Variants in CSMD1 observed in about 807,000 individuals in gnomAD.
The protein encoded by CSMD1 is CUB and sushi domain-containing protein 1.
In CSMD1, 213 loss-of-function variants were observed where a neutral mutation model predicts 417.5. The ratio of observed to expected loss-of-function variants is 0.51; its 90% CI spans 0.46 to 0.57. The LOEUF (loss-of-function observed/expected upper bound fraction) is 0.57. Among genes scored for constraint, CSMD1 ranks in the 20% least tolerant of loss-of-function variants. The pLI, the probability that CSMD1 is intolerant of heterozygous loss-of-function variation, is 0.00. For synonymous variants in CSMD1, 2,862 were observed against 1,736.8 expected (o/e 1.65, Z -16.11); for missense variants, 6,923 against 4,529.7 (o/e 1.53, Z -15.17).
At chr8:3,280,554 A>G (rs1351158829) in intron 26 of CSMD1, among the ~76,000 whole-genome samples, 2 of 152,184 alleles carry the variant, frequency 1.3e-5, no homozygotes, top group Non-Finnish European at 1.5e-5. Context: ...ATTTCTGAAA[A>G]TTTATACCAG....
intron 50 of CSMD1, among the ~76,000 whole-genome samples, chr8:3,041,021 T>TTTGCAATCGGTAAATAAATTA (rs1275049710): frequency 1.1e-4 from 16 of 152,186 alleles, no homozygotes; most frequent in Non-Finnish European, 2.1e-4. Context: ...AGCATTTTTC[T>TTTGCAATCGGTAAATAAATTA]TCATATCGGT....
chr8:4,012,570 C>G (rs2130444615), intron 4 of CSMD1, among the ~76,000 whole-genome samples: 1 of 152,220 alleles, frequency 6.6e-6, no homozygotes, highest in East Asian at 1.9e-4. Context: ...TCAACCGTCA[C>G]CACCTCCTTC....
In CSMD1 at chr8:4,451,937, ATAT is replaced by A. The variant is rs577742829; in HGVS notation, c.303-31875_303-31873del. Among the ~76,000 whole-genome samples the A allele has an allele frequency of 1.6e-3, 237 of 148,748 alleles. 1 individual carries two copies. Among genetic ancestry groups the A allele is most frequent in the African/African-American group, 5.6e-3 (229 of 40,942 alleles). ...TGCCCAGAGATGTAAAATTTAATGT[ATAT>A]TATTATATATAATATATAAATATAT... is the stretch of plus-strand genomic sequence containing the variant. On this transcript the variant is annotated intron_variant, in intron 2 of 69. Transcript: ENST00000635120.
intron 2 of CSMD1, among the ~76,000 whole-genome samples, chr8:4,543,283 A>G (rs1797481585): frequency 6.6e-6 from 1 of 152,014 alleles, no homozygotes; most frequent in African/African-American, 2.4e-5. Context: ...AAGATCCCCA[A>G]AGCTTCACCT....
At chr8:3,771,881 G>A (rs562994512) in intron 5 of CSMD1, among the ~76,000 whole-genome samples, 10 of 152,072 alleles carry the variant, frequency 6.6e-5, no homozygotes, top group African/African-American at 2.4e-4. Flanking sequence ...ATCTGCCACA[G>A]TCCTGATCTG....
At chr8:4,948,352 A>AT (rs1429364281) in intron 1 of CSMD1, among the ~76,000 whole-genome samples, 5 of 151,824 alleles carry the variant, frequency 3.3e-5, no homozygotes, top group Non-Finnish European at 5.9e-5. Context: ...ATATTTGCAC[A>AT]TTTTTTTCTT....
chr8:4,264,752 T>C (rs1208424958), intron 3 of CSMD1, among the ~76,000 whole-genome samples: 2 of 152,104 alleles, frequency 1.3e-5, no homozygotes, highest in Non-Finnish European at 2.9e-5. Context: ...CTCAGTAACA[T>C]CTAGAACGTT....
chr8:4,796,417 T>C (rs1349269743), intron 1 of CSMD1, among the ~76,000 whole-genome samples: 1 of 152,072 alleles, frequency 6.6e-6, no homozygotes, highest in Non-Finnish European at 1.5e-5. Flanking sequence ...TTAGGAAACT[T>C]GCATTTGCAA....
At chr8:4,616,940 T>C (rs1276445673) in intron 2 of CSMD1, among the ~76,000 whole-genome samples, 2 of 144,798 alleles carry the variant, frequency 1.4e-5, no homozygotes, top group East Asian at 2.0e-4. Context: ...CTGATTGTAT[T>C]GTCTTTTATT....
chr8:3,029,596 G>C (rs955886049), intron 50 of CSMD1, 83 bp from the exon 51 acceptor site: 3 of 1,238,932 alleles, frequency 2.4e-6, no homozygotes, highest in Non-Finnish European at 3.4e-6. Flanking sequence ...GCAAGGTCTT[G>C]CTATATGAAA....
At position 4,454,660 on chromosome 8, in the gene CSMD1, G is replaced by C. The variant is rs76804129; in HGVS notation, c.303-34595C>G. Among the ~76,000 whole-genome samples the C allele has an allele frequency of 4.9e-3, 750 of 152,260 alleles. 2 individuals carry two copies. Among genetic ancestry groups the C allele is most frequent in the African/African-American group, 0.017 (721 of 41,528 alleles). ...ACTAAGGCTTCAGTGCAGCCTTCCA[G>C]GTCCTATTATCTTAGCATGTTCTCT... is the stretch of plus-strand genomic sequence containing the variant. On this transcript the variant is annotated intron_variant, in intron 2 of 69. Transcript: ENST00000635120.
At chr8:3,072,351 A>C (rs1813377984) in intron 49 of CSMD1, among the ~76,000 whole-genome samples, 1 of 152,264 alleles carries the variant, frequency 6.6e-6, no homozygotes, top group Non-Finnish European at 1.5e-5. Context: ...ATCAACAATG[A>C]AGATTTTAAC....
chr8:3,398,991 C>A (rs917265634), intron 16 of CSMD1, among the ~76,000 whole-genome samples: 2 of 152,176 alleles, frequency 1.3e-5, no homozygotes, highest in African/African-American at 2.4e-5. Flanking sequence ...GAGTGACCAG[C>A]AGCCACCACC....
In CSMD1 at chr8:4,357,754, T is replaced by A. The variant is rs75630910; in HGVS notation, c.415+62199A>T. On this transcript the variant is annotated intron_variant, in intron 3 of 69. Coordinates refer to ENST00000635120, the MANE Select transcript of CSMD1 (RefSeq NM_033225.6). ...TCAAGCCAAAATTTTAAAGGTATAT[T>A]GTAAAAGAAAAATGAAAAGAATAAG... 3.3e-3 allele frequency among the ~76,000 whole-genome samples: 506 copies of A among 152,234 alleles called. 26 individuals are homozygous for A. In the East Asian group the frequency reaches 0.086, roughly 26 times the overall value.
At chr8:3,391,335 C>G (rs1811335969) in intron 17 of CSMD1, among the ~76,000 whole-genome samples, 1 of 152,170 alleles carries the variant, frequency 6.6e-6, no homozygotes, top group Non-Finnish European at 1.5e-5. Flanking sequence ...TAACAAGATA[C>G]TTTTGACAGC....
intron 3 of CSMD1, among the ~76,000 whole-genome samples, chr8:4,381,376 G>C (rs141877586): frequency 2.6e-5 from 4 of 152,102 alleles, no homozygotes; most frequent in Non-Finnish European, 4.4e-5. Flanking sequence ...CCCTGTGGCT[G>C]TAAGAGTAAG....
At chr8:3,512,508 C>G (rs778550493) in intron 10 of CSMD1, among the ~76,000 whole-genome samples, 6 of 151,392 alleles carry the variant, frequency 4.0e-5, no homozygotes, top group African/African-American at 1.5e-4. Context: ...ACCACATGAA[C>G]GGCTGGGCTG....
intron 3 of CSMD1, among the ~76,000 whole-genome samples, chr8:4,107,520 A>G (rs1048816674): frequency 8.5e-5 from 13 of 152,220 alleles, no homozygotes; most frequent in African/African-American, 3.1e-4. Flanking sequence ...CTACAGCACT[A>G]ATTGATATCT....
intron 1 of CSMD1, among the ~76,000 whole-genome samples, chr8:4,969,305 T>C (rs183587800): frequency 6.6e-6 from 1 of 151,946 alleles, no homozygotes; most frequent in Non-Finnish European, 1.5e-5. Context: ...ATATTTTACA[T>C]AGACATTATT....
Sources: allele counts gnomAD v4.1 joint callset (sites outside exome capture counted in the v4.1 genomes callset), GRCh38; gene constraint gnomAD v4.1.1; transcripts MANE v1.5; gene names NCBI Gene and HGNC (gene_info 2026-07-23, HGNC 2026-07-21).